CNTN4: variants seen among roughly 807,000 people sequenced by gnomAD.
The protein encoded by CNTN4 is contactin 4.
CNTN4 carries 77 observed loss-of-function variants against 122.5 expected under a neutral mutation model. That is an observed-to-expected ratio of 0.63 (90% CI 0.52 to 0.76). The LOEUF (loss-of-function observed/expected upper bound fraction) is 0.76, where lower values mean the gene tolerates loss of function less well. CNTN4 is among the 30% of genes least tolerant of loss of function. The pLI is 0.00. For missense variants in CNTN4, 1,256 were observed against 1,259.1 expected (o/e 1.00, Z 0.04); for synonymous variants, 512 against 447.0 (o/e 1.15, Z -1.83).
chr3:2,438,493 G>A (rs1232799160), intron 3 of CNTN4, among the ~76,000 whole-genome samples: 2 of 152,148 alleles, frequency 1.3e-5, no homozygotes, highest in African/African-American at 4.8e-5. Flanking sequence ...CTTTACTCCA[G>A]CCCAGGTGAA....
rs1430755929 is a variant in CNTN4 at position 2,316,620 on chromosome 3, C to A, written c.-144-22558C>A. On this transcript the variant is annotated intron_variant, in intron 2 of 24. Coordinates refer to ENST00000418658, the MANE Select transcript of CNTN4 (RefSeq NM_175607.3). ...CCAAACAGTGTAAAACATTGCTTAT[C>A]ACATTGGTATGACTTACAGGATTCA... 2.0e-5 allele frequency among the ~76,000 whole-genome samples: 3 copies of A among 152,154 alleles called. No homozygotes were observed. The South Asian group carries it at 6.2e-4, about 32-fold the overall frequency.
intron 3 of CNTN4, among the ~76,000 whole-genome samples, chr3:2,552,095 A>C (rs561260719): frequency 6.6e-6 from 1 of 152,310 alleles, no homozygotes; most frequent in Non-Finnish European, 1.5e-5. Flanking sequence ...GAGCATACTT[A>C]AGGTAAACTA....
chr3:3,021,433 G>C (rs962645959), intron 14 of CNTN4, among the ~76,000 whole-genome samples: 3 of 152,116 alleles, frequency 2.0e-5, no homozygotes, highest in African/African-American at 7.2e-5. Context: ...TGTCATCTGA[G>C]GTTTGCTTGC....
intron 3 of CNTN4, among the ~76,000 whole-genome samples, chr3:2,393,008 C>T (rs1022572051): frequency 4.6e-5 from 7 of 152,258 alleles, no homozygotes; most frequent in East Asian, 1.9e-4. Flanking sequence ...AGAAATTTAT[C>T]GTCTTACATT....
chr3:2,299,596 TTTTA>T (rs2042432724), intron 2 of CNTN4, among the ~76,000 whole-genome samples: 1 of 152,170 alleles, frequency 6.6e-6, no homozygotes, highest in Non-Finnish European at 1.5e-5. Flanking sequence ...TTAATTTCTA[TTTTA>T]TTTATTAAGT....
chr3:2,900,213 G>A (rs2094158049), intron 10 of CNTN4, among the ~76,000 whole-genome samples: 1 of 152,160 alleles, frequency 6.6e-6, no homozygotes, highest in South Asian at 2.1e-4. Flanking sequence ...ATATCTTTAA[G>A]TGAATAACCC....
chr3:2,932,245 G>T (rs545745549), intron 13 of CNTN4, among the ~76,000 whole-genome samples: 1 of 152,226 alleles, frequency 6.6e-6, no homozygotes, highest in South Asian at 2.1e-4. Flanking sequence ...GGGCGTGGTG[G>T]TGGGCGCCTG....
chr3:2,486,058 C>T (rs934549164), intron 3 of CNTN4, among the ~76,000 whole-genome samples: 1 of 152,198 alleles, frequency 6.6e-6, no homozygotes, highest in African/African-American at 2.4e-5. Context: ...TAACATTCAT[C>T]TCGAAGGTCT....
chr3:2,122,951 A>G (rs574492741), intron 2 of CNTN4, among the ~76,000 whole-genome samples: 2 of 152,144 alleles, frequency 1.3e-5, no homozygotes, highest in Non-Finnish European at 2.9e-5. Flanking sequence ...CAAGGTTGCC[A>G]TGTTATATTA....
At chr3:2,901,214 C>A (rs2094169571) in intron 11 of CNTN4, among the ~76,000 whole-genome samples, 1 of 152,188 alleles carries the variant, frequency 6.6e-6, no homozygotes. Context: ...ACAAAGAAAT[C>A]TGAATGAAGC....
intron 2 of CNTN4, among the ~76,000 whole-genome samples, chr3:2,323,043 G>C (rs1201553481): frequency 2.6e-5 from 4 of 152,120 alleles, no homozygotes; most frequent in African/African-American, 9.7e-5. Context: ...GCTACACAGA[G>C]CCTCAGCTTG....
chr3:2,429,150 G>C (rs1426498703), intron 3 of CNTN4, among the ~76,000 whole-genome samples: 1 of 152,198 alleles, frequency 6.6e-6, no homozygotes, highest in Non-Finnish European at 1.5e-5. Flanking sequence ...TGAAGGCAAA[G>C]AGGCCCTCTG....
chr3:2,413,310 T>A (rs2047294967), intron 3 of CNTN4, among the ~76,000 whole-genome samples: 1 of 152,240 alleles, frequency 6.6e-6, no homozygotes, highest in African/African-American at 2.4e-5. Flanking sequence ...CAAATCATTC[T>A]CAATCACTTA....
intron 3 of CNTN4, among the ~76,000 whole-genome samples, chr3:2,427,345 G>A (rs575809528): frequency 3.2e-3 from 494 of 152,290 alleles, no homozygotes; most frequent in African/African-American, 0.011. Context: ...TAGTCATTCA[G>A]GAGCAGGTTG....
chr3:2,929,316 T>C (rs2094499787), intron 13 of CNTN4, among the ~76,000 whole-genome samples: 1 of 152,226 alleles, frequency 6.6e-6, no homozygotes, highest in Non-Finnish European at 1.5e-5. Flanking sequence ...TTATTTACTG[T>C]TAGTTTTTAG....
At chr3:2,736,528 A>G (rs1361416052) in intron 5 of CNTN4, among the ~76,000 whole-genome samples, 187 bp downstream of exon 5, 3 of 151,402 alleles carry the variant, frequency 2.0e-5, no homozygotes, top group Admixed American at 2.0e-4. Flanking sequence ...TAATGGTGTG[A>G]TCTCAGCTCA....
At chr3:2,163,168 G>A (rs1358582292) in intron 2 of CNTN4, among the ~76,000 whole-genome samples, 1 of 152,144 alleles carries the variant, frequency 6.6e-6, no homozygotes, top group Non-Finnish European at 1.5e-5. Context: ...TAAACCAGTG[G>A]AACAGAATAG....
At chr3:2,444,882 T>G (rs1167803945) in intron 3 of CNTN4, among the ~76,000 whole-genome samples, 1 of 152,074 alleles carries the variant, frequency 6.6e-6, no homozygotes, top group Non-Finnish European at 1.5e-5. Context: ...TTGTTATTGG[T>G]ATTGCATTTG....
At chr3:3,005,008 G>A (rs1442999413) in intron 14 of CNTN4, among the ~76,000 whole-genome samples, 4 of 152,158 alleles carry the variant, frequency 2.6e-5, no homozygotes, top group Admixed American at 6.5e-5. Context: ...CACCTTTAGC[G>A]TCATTCTTCC....
Sources: allele counts gnomAD v4.1 joint callset (sites outside exome capture counted in the v4.1 genomes callset), GRCh38; gene constraint gnomAD v4.1.1; transcripts MANE v1.5; gene names NCBI Gene and HGNC (gene_info 2026-07-23, HGNC 2026-07-21).